The following POLA1 variants were observed in gnomAD, a reference collection of about 807,000 sequenced individuals.
The protein encoded by POLA1 is DNA polymerase alpha catalytic subunit.
A neutral mutation model predicts 124.0 loss-of-function variants in POLA1; 15 were observed. That is an observed-to-expected ratio of 0.12 (90% CI 0.08 to 0.19). The LOEUF (loss-of-function observed/expected upper bound fraction) is 0.19. Ranked by LOEUF, POLA1 falls within the 10% of genes least tolerant of loss-of-function variation. The pLI, the probability that POLA1 is intolerant of heterozygous loss-of-function variation, is 1.00. For missense variants in POLA1, 886 were observed against 1,103.4 expected (o/e 0.80, Z 2.79); for synonymous variants, 408 against 389.4 (o/e 1.05, Z -0.56).
intron 26 of POLA1, among the ~76,000 whole-genome samples, chrX:24,750,601 C>T (rs898416246): frequency 2.9e-4 from 32 of 112,079 alleles, no homozygotes; most frequent in African/African-American, 8.4e-4. Context: ...ATGTATTGAA[C>T]GCCAGTGATG....
At chrX:24,773,009 C>T (rs1259584090) in intron 26 of POLA1, among the ~76,000 whole-genome samples, 1 of 111,874 alleles carries the variant, frequency 8.9e-6, no homozygotes. Flanking sequence ...CTTTTACTAG[C>T]AATGTGTGAA....
chrX:24,748,686 T>G (rs1201715754), intron 25 of POLA1, among the ~76,000 whole-genome samples, 184 bp from the exon 26 acceptor site: 1 of 112,433 alleles, frequency 8.9e-6, no homozygotes, highest in Non-Finnish European at 1.9e-5. Flanking sequence ...AGTCTGTGTT[T>G]ACTTGCTGCT....
intron 36 of POLA1, among the ~76,000 whole-genome samples, chrX:24,963,885 G>A (rs1363908184): frequency 8.9e-6 from 1 of 111,735 alleles, no homozygotes; most frequent in East Asian, 2.8e-4. Context: ...TTTTGGCAGC[G>A]TAGAAGTTGT....
chrX:24,753,956 T>A (rs958771747), intron 26 of POLA1, among the ~76,000 whole-genome samples: 14 of 111,907 alleles, frequency 1.3e-4, no homozygotes, highest in African/African-American at 4.6e-4. Flanking sequence ...ACTGCCTGGC[T>A]TTTAGTTGTG....
In POLA1 at chrX:24,716,447, C is replaced by G. The variant is rs555763827; in HGVS notation, c.611C>G (p.Thr204Ser). 1 of 1,094,519 alleles carries G rather than the reference C, an allele frequency of 9.1e-7. No individual in the cohort carries two copies. Among genetic ancestry groups the G allele is most frequent in the South Asian group, 1.9e-5 (1 of 53,928 alleles). 90.2% of individuals were successfully genotyped at this position (1,094,519 alleles called of 1,213,427 possible). Residue 204 changes from threonine to serine, a missense_variant, in exon 7 of 37, where the codon ACC becomes AGC. By Grantham distance (58) the Thr-to-Ser change is moderately conservative. Around this residue, in one of 7 missense-constraint regions of POLA1, gnomAD observed 337 missense variants for 402.8 expected, o/e 0.84. Transcript: ENST00000379068. ...TCACCGAATCCTTTCTCTGTGCACACCGCCACGGTAAAGTGTGTAGAGATA... is the reference window on the plus strand; with the variant it reads ...TCACCGAATCCTTTCTCTGTGCACAGCGCCACGGTAAAGTGTGTAGAGATA... ...GASPNPFSVH[T>S]ATAVPSGKIA...
chrX:24,843,488 C>G, intron 33 of POLA1, 58 bp from the exon 34 acceptor site: 1 of 958,696 alleles, frequency 1.0e-6, no homozygotes, highest in East Asian at 3.3e-5. Flanking sequence ...TTTTTAAGCA[C>G]AAAAACCCTT....
In POLA1 at chrX:24,888,601, T is replaced by G. The variant is rs1338225104; in HGVS notation, c.4164+479T>G. Reference sequence around the variant, plus strand: ...TTTTTCTTTGTTTTTTGTTTGCTTGTTTTTTTTTTTTTTTTTTTTTTTTTT... The same window carrying G: ...TTTTTCTTTGTTTTTTGTTTGCTTGGTTTTTTTTTTTTTTTTTTTTTTTTT... On this transcript the variant is annotated intron_variant, in intron 35 of 36. Transcript: ENST00000379068. 8.9e-5 allele frequency among the ~76,000 whole-genome samples: 4 copies of G among 45,139 alleles called. No individual in the cohort carries two copies. The East Asian group carries it at 2.4e-3, about 28-fold the overall frequency. The allele number at this position is 45,139 out of a possible 115,157, so 39.2% of individuals were successfully genotyped here. A position where few individuals can be genotyped will look rare whatever the true frequency, so the allele number is the denominator to read the frequency against.
intron 36 of POLA1, among the ~76,000 whole-genome samples, chrX:24,981,961 T>C (rs1303009130): frequency 1.8e-5 from 2 of 112,172 alleles, no homozygotes; most frequent in African/African-American, 6.5e-5. Context: ...CATGCAATGC[T>C]AAACTTTTTA....
At chrX:24,700,980 A>G (rs1206707677) in intron 2 of POLA1, among the ~76,000 whole-genome samples, 1 of 111,645 alleles carries the variant, frequency 9.0e-6, no homozygotes, top group Non-Finnish European at 1.9e-5. Flanking sequence ...AGTCGAAATG[A>G]CTTTTTACTC....
chrX:24,778,742 A>G (rs898893428), intron 26 of POLA1, among the ~76,000 whole-genome samples: 4 of 111,511 alleles, frequency 3.6e-5, no homozygotes, highest in African/African-American at 1.3e-4. Context: ...CCTTTTTTAC[A>G]GAAGAGGAAA....
intron 36 of POLA1, among the ~76,000 whole-genome samples, chrX:24,940,153 A>G (rs1290384504): frequency 8.9e-6 from 1 of 112,049 alleles, no homozygotes; most frequent in Non-Finnish European, 1.9e-5. Context: ...AACATGTAAC[A>G]TCAGACCCTA....
chrX:24,786,394 C>T (rs1414243985), intron 26 of POLA1, among the ~76,000 whole-genome samples: 2 of 112,275 alleles, frequency 1.8e-5, no homozygotes, highest in South Asian at 3.7e-4. Flanking sequence ...ATTTGCGTGT[C>T]GCTGATGATT....
chrX:24,880,077 T>C (rs928789370), intron 34 of POLA1, among the ~76,000 whole-genome samples: 1 of 111,837 alleles, frequency 8.9e-6, no homozygotes. Context: ...GTCGCTAATT[T>C]ATCATGTAAT....
Position 24,751,208 on chromosome X carries a change from C to T in POLA1, c.2964+2216C>T, listed in dbSNP as rs376594756. Among the ~76,000 whole-genome samples, 35 of 111,409 alleles carry T rather than the reference C, an allele frequency of 3.1e-4. No individual in the cohort carries two copies. The East Asian group carries it at 8.7e-3, about 28-fold the overall frequency. The stretch of plus-strand genomic sequence containing the variant: ...GAAATCCCTGTTGTTACATTTTCCA[C>T]ATTGGCTCAGAAATCCACAAGCTTA... On this transcript the variant is annotated intron_variant, in intron 26 of 36. Transcript: ENST00000379068.
At position 24,941,951 on chromosome X, in the gene POLA1, A is replaced by G. The variant is rs144168583; in HGVS notation, c.4261+11402A>G. ...TTCTAAGAAATTATTGTAATTTCAA[A>G]TAGGGTCAAAAAAGCAGGTCTGTGT... On this transcript the variant is annotated intron_variant, in intron 36 of 36. Coordinates refer to ENST00000379068, the MANE Select transcript of POLA1 (RefSeq NM_001330360.2). 4.7e-3 allele frequency among the ~76,000 whole-genome samples: 525 copies of G among 112,228 alleles called. 3 individuals are homozygous for G. Among genetic ancestry groups the G allele is most frequent in the Non-Finnish European group, 7.9e-3 (421 of 53,257 alleles).
chrX:24,812,686 A>G lies in POLA1; in HGVS notation c.3119A>G (p.Lys1040Arg), dbSNP rs2045923729. ...KVKSEVNKLY[K>R]LLEIDIDGVF... The stretch of plus-strand genomic sequence containing the variant: ...AAAAGTGAAGTGAATAAGTTGTACA[A>G]ACTGCTTGAAATAGACATTGATGGG... The change falls in exon 29 of 37, where the codon AAA (lysine) becomes AGA (arginine). Residue 1040 changes from lysine to arginine, a missense_variant. Lys to Arg is a conservative substitution (Grantham distance 26). This residue lies in a region of POLA1 where 313 missense variants were observed against 359.7 expected (regional missense o/e 0.87). Transcript: ENST00000379068. 2 of 1,196,194 alleles carry G rather than the reference A, an allele frequency of 1.7e-6. No individual in the cohort carries two copies. Among genetic ancestry groups the G allele is most frequent in the South Asian group, 1.8e-5 (1 of 56,409 alleles).
intron 19 of POLA1, 60 bp downstream of exon 19, chrX:24,737,801 G>C: frequency 1.9e-6 from 1 of 533,231 alleles, no homozygotes. Context: ...TAGCTACCAA[G>C]GAACACACTA....
chrX:24,843,387 G>A (rs1001631041), intron 33 of POLA1, among the ~76,000 whole-genome samples, 159 bp from the exon 34 acceptor site: 11 of 111,883 alleles, frequency 9.8e-5, no homozygotes, highest in Non-Finnish European at 1.7e-4. Flanking sequence ...TGACTAAAGC[G>A]GTCTTTGGGA....
intron 35 of POLA1, among the ~76,000 whole-genome samples, chrX:24,911,990 T>C (rs2047455286): frequency 8.9e-6 from 1 of 112,358 alleles, no homozygotes; most frequent in African/African-American, 3.2e-5. Flanking sequence ...TAATACTTAC[T>C]ACAAAGCTAC....
Sources: allele counts gnomAD v4.1 joint callset (sites outside exome capture counted in the v4.1 genomes callset), GRCh38; gene constraint gnomAD v4.1.1; regional missense constraint gnomAD v4.1.1; transcripts MANE v1.5; gene names NCBI Gene and HGNC (gene_info 2026-07-23, HGNC 2026-07-21).